The following BBS12 variants were observed in gnomAD, a reference collection of about 807,000 sequenced individuals.
BBS12 encodes the protein Bardet-Biedl syndrome 12.
BBS12 carries 5 observed loss-of-function variants against 5.6 expected under a neutral mutation model. That is an observed-to-expected ratio of 0.89 (90% CI 0.46 to 1.86). The LOEUF (loss-of-function observed/expected upper bound fraction) is 1.86, where lower values mean the gene tolerates loss of function less well. BBS12 is among the 40% of genes most tolerant of loss of function. The pLI is 0.01. For synonymous variants in BBS12, 308 were observed against 306.8 expected (o/e 1.00, Z -0.04); for missense variants, 748 against 830.4 (o/e 0.90, Z 1.22).
rs1800906108 is a variant in BBS12, at chr4:122,742,899, C to T, written c.1007C>T (p.Thr336Ile). ...TSSCVCPGYITVVSVSNNPVI... is the reference protein window; with the variant it reads ...TSSCVCPGYIIVVSVSNNPVI... The stretch of plus-strand genomic sequence containing the variant: ...TCTTGTGTTTGTCCAGGATATATCA[C>T]TGTTGTGTCAGTATCTAATAATCCT... The change falls in exon 2 of 2, where the codon ACT becomes ATT. Residue 336 changes from threonine (T) to isoleucine (I), a missense_variant. Coordinates refer to ENST00000314218, the MANE Select transcript of BBS12 (RefSeq NM_152618.3). 6.2e-7 allele frequency: 1 copy of T among 1,614,198 alleles called. No homozygotes were observed.
the BBS12 span, among the ~76,000 whole-genome samples, chr4:122,714,498 T>TG: frequency 0.46 from 69,454 of 151,826 alleles, 17,726 homozygotes; most frequent in African/African-American, 0.67. Context: ...TTACAGAAAC[T>TG]GCCAGGCGTG....
At chr4:122,716,713 A>ACACGCG in the BBS12 span, among the ~76,000 whole-genome samples, 7 of 121,544 alleles carry the variant, frequency 5.8e-5, no homozygotes, top group African/African-American at 2.4e-4. Context: ...ATACATACAC[A>ACACGCG]TATGTGTGTA....
At chr4:122,716,641 ACACGTGTGTGTATATGC>A in the BBS12 span, among the ~76,000 whole-genome samples, 6,682 of 90,252 alleles carry the variant, frequency 0.074, 675 homozygotes, top group African/African-American at 0.23. Context: ...ATGTATATAC[ACACGTGTGTGTATATGC>A]ACATACACAT....
chr4:122,740,951 A>T (rs1025783316), intron 1 of BBS12, among the ~76,000 whole-genome samples: 4 of 152,218 alleles, frequency 2.6e-5, no homozygotes, highest in Admixed American at 1.3e-4. Context: ...TGAGGGCTAT[A>T]TAGCTAGTAA....
At chr4:122,723,457 A>G in the BBS12 span, among the ~76,000 whole-genome samples, 2 of 152,194 alleles carry the variant, frequency 1.3e-5, no homozygotes. Context: ...TTATATCCCC[A>G]GTTTTCTGCT....
chr4:122,719,374 G>A, the BBS12 span, among the ~76,000 whole-genome samples: 11 of 152,242 alleles, frequency 7.2e-5, no homozygotes, highest in South Asian at 2.3e-3. Flanking sequence ...ACCTGAGCCA[G>A]CAGCAGCAAC....
chr4:122,740,888 T>A (rs949873593), intron 1 of BBS12, among the ~76,000 whole-genome samples: 4 of 152,242 alleles, frequency 2.6e-5, no homozygotes, highest in African/African-American at 9.6e-5. Flanking sequence ...TAGCTTCTAT[T>A]ATTATCCCTG....
At chr4:122,736,082 AAG>A (rs1800779777) in intron 1 of BBS12, among the ~76,000 whole-genome samples, 1 of 152,234 alleles carries the variant, frequency 6.6e-6, no homozygotes, top group Non-Finnish European at 1.5e-5. Flanking sequence ...GCATTACAAA[AAG>A]AGGCCAGAAC....
chr4:122,729,056 C>T (rs1003755479), upstream of BBS12: 1 of 152,294 alleles, frequency 6.6e-6, no homozygotes, highest in African/African-American at 2.4e-5. Flanking sequence ...TAGTGGACTT[C>T]AGTCTCCCAT....
the BBS12 span, among the ~76,000 whole-genome samples, chr4:122,713,461 C>A: frequency 6.6e-6 from 1 of 152,048 alleles, no homozygotes; most frequent in Non-Finnish European, 1.5e-5. Context: ...CTGTGAAGAG[C>A]CATTGCACTC....
upstream of BBS12, chr4:122,729,453 TAC>T (rs1332937602): frequency 3.9e-5 from 6 of 152,276 alleles, no homozygotes; most frequent in South Asian, 2.1e-4. Flanking sequence ...AGTTAGAAAA[TAC>T]ACAGTTATCT....
At position 122,743,841 on chromosome 4, in the gene BBS12, C is replaced by G. The variant is rs1553941580; in HGVS notation, c.1949C>G (p.Ser650Ter). The G allele has an allele frequency of 3.7e-6, 6 of 1,605,398 alleles. No homozygotes were observed. The highest frequency in any genetic ancestry group is 5.1e-6 in the Non-Finnish European group (6 of 1,176,342). The change falls in exon 2 of 2, where the codon TCA becomes TGA. Residue 650 changes from serine to a stop codon, truncating the protein, a stop_gained. Transcript: ENST00000314218. LOFTEE classifies it high-confidence loss of function. ...AAACTAAATAGTAGAATTTTTAATT[C>G]AGACATTTCAAATAAACTGGAGCAG... ...YSKLNSRIFN[S>*]DISNKLEQIP...
the BBS12 span, among the ~76,000 whole-genome samples, chr4:122,707,054 C>CTT: frequency 3.1e-3 from 221 of 72,182 alleles, 1 homozygote; most frequent in South Asian, 4.6e-3. Flanking sequence ...CTCTCTCTCT[C>CTT]TTTTTTTTTT....
the BBS12 span, among the ~76,000 whole-genome samples, chr4:122,710,981 G>A: frequency 1.3e-5 from 2 of 152,144 alleles, no homozygotes; most frequent in Non-Finnish European, 2.9e-5. Context: ...AAGGAAAGTT[G>A]TACCTGATAA....
chr4:122,742,705 G>C lies in BBS12; in HGVS notation c.813G>C (p.Leu271Phe), dbSNP rs759567833. ...ACAGATGTAATGATTTGGTAGAGTTGGCAGTAGGCTTGAGTCATGGAGATC... is the reference window on the plus strand; with the variant it reads ...ACAGATGTAATGATTTGGTAGAGTTCGCAGTAGGCTTGAGTCATGGAGATC... ...KTYRCNDLVE[L>F]AVGLSHGDHS... Residue 271 changes from leucine (L) to phenylalanine (F), a missense_variant, in exon 2 of 2, where the codon TTG (leucine) becomes TTC (phenylalanine). Coordinates refer to ENST00000314218, the MANE Select transcript of BBS12 (RefSeq NM_152618.3). The C allele has an allele frequency of 5.0e-6, 8 of 1,614,222 alleles. No individual in the cohort carries two copies. The highest frequency in any genetic ancestry group is 4.4e-5 in the South Asian group (4 of 91,088).
At chr4:122,739,712 G>A (rs1024771954) in intron 1 of BBS12, among the ~76,000 whole-genome samples, 21 of 152,234 alleles carry the variant, frequency 1.4e-4, no homozygotes, top group Admixed American at 1.4e-3. Context: ...GGAGTTAGGG[G>A]TAGCTCCTCA....
the BBS12 span, among the ~76,000 whole-genome samples, chr4:122,725,836 T>C: frequency 2.1e-5 from 3 of 140,732 alleles, no homozygotes; most frequent in African/African-American, 8.1e-5. Flanking sequence ...AGGCAGAGGT[T>C]GCAGTGAGCT....
rs1800946304 is a variant in BBS12, at chr4:122,744,019, T to G, written c.2127T>G (p.Phe709Leu). Residue 709 changes from phenylalanine (F) to leucine (L), a missense_variant, in exon 2 of 2, where the codon TTT (phenylalanine) becomes TTG (leucine). Transcript: ENST00000314218. ...INSQELTGFL[F>L]L ...CACAGGAATTAACGGGCTTTCTATT[T>G]TTGTAGTGTTACTGGCTAAGTCTTT... The G allele has an allele frequency of 6.2e-7, 1 of 1,612,742 alleles. No individual in the cohort carries two copies. Among genetic ancestry groups the G allele is most frequent in the African/African-American group, 1.3e-5 (1 of 75,028 alleles).
chr4:122,712,513 C>T, the BBS12 span, among the ~76,000 whole-genome samples: 4 of 152,222 alleles, frequency 2.6e-5, no homozygotes, highest in Non-Finnish European at 4.4e-5. Context: ...TGAGCAATAA[C>T]CAGTCTTTCG....
Sources: gnomAD v4.1 joint callset for allele counts (sites outside exome capture counted in the v4.1 genomes callset) on GRCh38, gnomAD v4.1.1 for gene constraint, MANE v1.5 for transcripts, NCBI Gene and HGNC (gene_info 2026-07-23, HGNC 2026-07-21) for gene names.